The following INPP5D variants were observed in gnomAD, a reference collection of about 807,000 sequenced individuals.
INPP5D encodes the protein inositol polyphosphate-5-phosphatase D.
In INPP5D, 33 loss-of-function variants were observed where a neutral mutation model predicts 122.9. The observed-to-expected ratio is 0.27, with a 90% CI of 0.20 to 0.36. The LOEUF (loss-of-function observed/expected upper bound fraction) is 0.36. Ranked by LOEUF, INPP5D falls within the 10% of genes least tolerant of loss-of-function variation. INPP5D has a pLI of 1.00. For synonymous variants in INPP5D, 584 were observed against 576.2 expected, an observed-to-expected ratio of 1.01 and a Z score of -0.19; for missense variants, 1,053 against 1,412.7, an observed-to-expected ratio of 0.75 and a Z score of 4.08.
chr2:233,089,594 T>C (rs1691939776), intron 2 of INPP5D, among the ~76,000 whole-genome samples: 4 of 152,204 alleles, frequency 2.6e-5, no homozygotes, highest in Non-Finnish European at 5.9e-5. Context: ...GTCATGATCC[T>C]TCCTGAATGA....
chr2:233,123,957 C>T (rs1303623214), intron 3 of INPP5D, among the ~76,000 whole-genome samples: 2 of 152,076 alleles, frequency 1.3e-5, no homozygotes, highest in East Asian at 3.8e-4. Flanking sequence ...CACACTGGAG[C>T]CTACCTGAGG....
chr2:233,176,681 G>A, intron 17 of INPP5D, among the ~76,000 whole-genome samples: 2 of 88,180 alleles, frequency 2.3e-5, no homozygotes, highest in Non-Finnish European at 4.4e-5. Flanking sequence ...ATGGATGAGT[G>A]GATGAATAGG....
At chr2:233,147,916 G>T (rs542874487) in intron 9 of INPP5D, among the ~76,000 whole-genome samples, 5 of 152,248 alleles carry the variant, frequency 3.3e-5, no homozygotes, top group Non-Finnish European at 7.3e-5. Context: ...TCACGTCCCA[G>T]CTCTGCCACT....
At chr2:233,149,560 A>G (rs1210850345) in intron 9 of INPP5D, among the ~76,000 whole-genome samples, 1 of 152,088 alleles carries the variant, frequency 6.6e-6, no homozygotes, top group Non-Finnish European at 1.5e-5. Context: ...GAGGCTCTAT[A>G]ACCTGCTTTA....
intron 5 of INPP5D, chr2:233,130,925 C>T (rs949611614): frequency 6.8e-6 from 4 of 592,138 alleles, no homozygotes; most frequent in South Asian, 4.6e-5. Flanking sequence ...AGGACATGGC[C>T]AGCCCTTTCT....
intron 25 of INPP5D, 84 bp from the exon 26 acceptor site, chr2:233,204,041 AG>A (rs1695411036): frequency 7.0e-6 from 10 of 1,432,206 alleles, no homozygotes; most frequent in Admixed American, 3.1e-5. Flanking sequence ...ATCACCCCAA[AG>A]AAAGACCCAG....
At chr2:233,135,533 CAACA>C (rs961446210) in intron 5 of INPP5D, among the ~76,000 whole-genome samples, 14 of 151,862 alleles carry the variant, frequency 9.2e-5, no homozygotes, top group African/African-American at 3.4e-4. Flanking sequence ...AAGATAAATT[CAACA>C]AACAGATTGT....
chr2:233,182,542 C>T (rs748510632), intron 19 of INPP5D, 43 bp downstream of exon 19: 1 of 1,607,626 alleles, frequency 6.2e-7, no homozygotes, highest in Non-Finnish European at 8.5e-7. Flanking sequence ...TCCTCAATGA[C>T]AAGGAGTGTT....
At chr2:233,190,043 C>A in intron 22 of INPP5D, 106 bp downstream of exon 22, 1 of 1,484,428 alleles carries the variant, frequency 6.7e-7, no homozygotes, top group Non-Finnish European at 9.0e-7. Flanking sequence ...TAGGCTCCTG[C>A]CTCTCCTTTC....
At chr2:233,084,144 C>A (rs1486280917) in intron 2 of INPP5D, among the ~76,000 whole-genome samples, 1 of 152,162 alleles carries the variant, frequency 6.6e-6, no homozygotes, top group Non-Finnish European at 1.5e-5. Context: ...AACCTCTGCT[C>A]CCAGGCTCAA....
intron 5 of INPP5D, among the ~76,000 whole-genome samples, chr2:233,133,763 G>A (rs894166581): frequency 6.6e-6 from 1 of 152,152 alleles, no homozygotes; most frequent in African/African-American, 2.4e-5. Context: ...TTCAAGTGGT[G>A]GAGGATGCAT....
chr2:233,093,518 C>T (rs1692043087), intron 2 of INPP5D, among the ~76,000 whole-genome samples: 1 of 139,638 alleles, frequency 7.2e-6, no homozygotes. Flanking sequence ...CTGTCTCTGT[C>T]TAATTCAAAA....
At chr2:233,121,973 C>T (rs558183710) in intron 2 of INPP5D, 134 bp from the exon 3 acceptor site, 19 of 964,814 alleles carry the variant, frequency 2.0e-5, no homozygotes, top group African/African-American at 6.4e-5. Context: ...ACACACCCTG[C>T]GTAGGAGCCC....
chr2:233,144,031 G>A (rs1241109362), intron 6 of INPP5D, among the ~76,000 whole-genome samples: 2 of 144,080 alleles, frequency 1.4e-5, no homozygotes, highest in Non-Finnish European at 3.0e-5. Flanking sequence ...GGTAGGGGTG[G>A]AGATGGTGGT....
intron 13 of INPP5D, among the ~76,000 whole-genome samples, chr2:233,165,792 G>A (rs1489560062): frequency 6.6e-6 from 1 of 152,022 alleles, no homozygotes; most frequent in Non-Finnish European, 1.5e-5. Flanking sequence ...GAGAGTCTAG[G>A]TATGTGAGGG....
chr2:233,169,955 A>T, intron 14 of INPP5D, 71 bp from the exon 15 acceptor site: 1 of 1,604,418 alleles, frequency 6.2e-7, no homozygotes, highest in Non-Finnish European at 8.5e-7. Context: ...CTATGGCAGG[A>T]GTGACTTCCT....
intron 2 of INPP5D, among the ~76,000 whole-genome samples, chr2:233,080,463 C>CAGAGAG (rs111601408): frequency 1.3e-3 from 192 of 148,688 alleles, no homozygotes; most frequent in African/African-American, 4.3e-3. Context: ...GTGCACGTGA[C>CAGAGAG]AGAGAGAGAG....
chr2:233,168,046 AATG>A (rs10633198), intron 13 of INPP5D, among the ~76,000 whole-genome samples: 83,778 of 144,692 alleles, frequency 0.58, 25,736 homozygotes, highest in Non-Finnish European at 0.69. Context: ...AAGAAAAGAA[AATG>A]ATGGGAGCCA....
intron 22 of INPP5D, among the ~76,000 whole-genome samples, chr2:233,192,151 G>A (rs1056850900): frequency 3.3e-5 from 5 of 152,274 alleles, no homozygotes; most frequent in Non-Finnish European, 5.9e-5. Flanking sequence ...GCCCTAATAG[G>A]GATCCCCTCG....
Sources: gnomAD v4.1 joint callset for allele counts (sites outside exome capture counted in the v4.1 genomes callset) on GRCh38, gnomAD v4.1.1 for gene constraint, MANE v1.5 for transcripts, NCBI Gene and HGNC (gene_info 2026-07-23, HGNC 2026-07-21) for gene names.